The following ZNF43 variants were observed in gnomAD, a reference collection of about 807,000 sequenced individuals.
ZNF43 encodes zinc finger protein 43.
In ZNF43, 44 loss-of-function variants were observed where a neutral mutation model predicts 68.4. The observed-to-expected ratio is 0.64, with a 90% CI of 0.51 to 0.83. ZNF43 has a LOEUF of 0.83. ZNF43 is among the 40% of genes least tolerant of loss of function. The pLI is 0.00. For synonymous variants in ZNF43, 308 were observed against 307.8 expected, an observed-to-expected ratio of 1.00 and a Z score of -0.01; for missense variants, 896 against 933.2, an observed-to-expected ratio of 0.96 and a Z score of 0.52.
Position 21,809,336 on chromosome 19 carries a change from T to G in ZNF43, c.701A>C (p.Glu234Ala), listed in dbSNP as rs535195830. The change falls in exon 4 of 4, where the codon GAA becomes GCA. Residue 234 changes from glutamate (E) to alanine (A), a missense_variant. Coordinates refer to ENST00000354959, the MANE Select transcript of ZNF43 (RefSeq NM_003423.4). Reference sequence around the variant, plus strand: ...GGACCAATTAAAGACTTTGCCACATTCTTCACATGTGTAGGGTTTCTCTCC... The same window carrying G: ...GGACCAATTAAAGACTTTGCCACATGCTTCACATGTGTAGGGTTTCTCTCC... ...NTGEKPYTCE[E>A]CGKVFNWSSR... 9 of 1,613,766 alleles carry G rather than the reference T, an allele frequency of 5.6e-6. No individual in the cohort carries two copies. The highest frequency in any genetic ancestry group is 6.8e-6 in the Non-Finnish European group (8 of 1,179,918).
chr19:21,847,911 A>T (rs1384638232), intron 1 of ZNF43, among the ~76,000 whole-genome samples: 1 of 149,510 alleles, frequency 6.7e-6, no homozygotes, highest in Admixed American at 6.7e-5. Context: ...TGGCTCTGCA[A>T]CCTCCATGTC....
Position 21,809,342 on chromosome 19 carries a change from C to T in ZNF43, c.695G>A (p.Cys232Tyr). ...ATTAAAGACTTTGCCACATTCTTCA[C>T]ATGTGTAGGGTTTCTCTCCAGTATT... ...RINTGEKPYTCEECGKVFNWS... is the reference protein window; with the variant it reads ...RINTGEKPYTYEECGKVFNWS... Residue 232 changes from cysteine (C) to tyrosine (Y), a missense_variant, in exon 4 of 4, where the codon TGT becomes TAT. Transcript: ENST00000354959. The T allele has an allele frequency of 6.2e-7, 1 of 1,613,786 alleles. No individual in the cohort carries two copies. The highest frequency in any genetic ancestry group is 8.5e-7 in the Non-Finnish European group (1 of 1,179,898).
At chr19:21,830,555 GAAA>G (rs562293163) in intron 1 of ZNF43, among the ~76,000 whole-genome samples, 3 of 101,946 alleles carry the variant, frequency 2.9e-5, no homozygotes, top group Non-Finnish European at 6.4e-5. Context: ...TCCAAAGACT[GAAA>G]AAAAAAAAAA....
chr19:21,807,863 T>C lies in ZNF43; in HGVS notation c.2174A>G (p.Lys725Arg), dbSNP rs765494319. The C allele has an allele frequency of 6.2e-7, 1 of 1,613,374 alleles. No individual in the cohort carries two copies. The highest frequency in any genetic ancestry group is 8.5e-7 in the Non-Finnish European group (1 of 1,179,766). Residue 725 changes from lysine to arginine, a missense_variant, in exon 4 of 4, where the codon AAG becomes AGG. By Grantham distance (26) the Lys-to-Arg change is conservative. Coordinates refer to ENST00000354959, the MANE Select transcript of ZNF43 (RefSeq NM_003423.4). ...FNRSSNLIEH[K>R]KIHTGEQPYK... ...GGGTTGCTCTCCAGTATGAATTTTC[T>C]TATGTTCAATAAGGTTTGAGGATCG...
At chr19:21,822,226 T>C (rs2037881752) in intron 1 of ZNF43, among the ~76,000 whole-genome samples, 1 of 152,288 alleles carries the variant, frequency 6.6e-6, no homozygotes, top group Non-Finnish European at 1.5e-5. Context: ...AATGGAAATA[T>C]GGGCCACACT....
intron 3 of ZNF43, among the ~76,000 whole-genome samples, chr19:21,817,171 C>T (rs928884685): frequency 6.6e-6 from 1 of 150,710 alleles, no homozygotes; most frequent in Admixed American, 6.6e-5. Flanking sequence ...TGCAGTGAGC[C>T]GAGATTGTGC....
chr19:21,843,375 A>G, intron 1 of ZNF43: 2 of 985,406 alleles, frequency 2.0e-6, no homozygotes, highest in South Asian at 9.4e-5. Flanking sequence ...ACGTGTCTTC[A>G]TTCTAGGTAT....
rs2037172907 is a variant in ZNF43 at position 21,809,515 on chromosome 19, GA to G, written c.521del (p.Phe174SerfsTer16). ...ATGATTTGCCACATTCTTTGCATTT[GA>G]AAAGTTTTTTTTCAGTATGGCTTAT... ...HKISHTEKKL[F>X]KCKECGKSFC... On this transcript the variant is annotated frameshift_variant, in exon 4 of 4. Transcript: ENST00000354959. LOFTEE classifies it high-confidence loss of function. 1.2e-6 allele frequency: 2 copies of G among 1,613,280 alleles called. No homozygotes were observed. Among genetic ancestry groups the G allele is most frequent in the Admixed American group, 1.7e-5 (1 of 59,836 alleles).
intron 1 of ZNF43, among the ~76,000 whole-genome samples, chr19:21,822,598 G>A (rs1429708278): frequency 6.6e-6 from 1 of 152,124 alleles, no homozygotes; most frequent in Non-Finnish European, 1.5e-5. Context: ...AAGGTCAGGA[G>A]ATCGAGACCA....
chr19:21,812,135 C>A, intron 3 of ZNF43: 1 of 375,820 alleles, frequency 2.7e-6, no homozygotes, highest in South Asian at 1.4e-4. Context: ...CTTTTTTTTT[C>A]TTTTTTTTTG....
intron 3 of ZNF43, among the ~76,000 whole-genome samples, chr19:21,812,209 C>A (rs1599455609): frequency 6.6e-6 from 1 of 152,284 alleles, no homozygotes; most frequent in African/African-American, 2.4e-5. Context: ...TCACTGCACA[C>A]TCCATCTCCC....
chr19:21,845,602 T>C (rs937881641), intron 1 of ZNF43: 5 of 152,182 alleles, frequency 3.3e-5, no homozygotes, highest in African/African-American at 9.7e-5. Flanking sequence ...TGTCACAATA[T>C]GTATGCAGGG....
chr19:21,809,197 G>A lies in ZNF43; in HGVS notation c.840C>T (p.Arg280=), dbSNP rs1347933077. ...TACATTTGTAGAATTTCTCTCCAGT[G>A]CGAATTATCTTATGGGTAGTAAGGA... is the stretch of plus-strand genomic sequence containing the variant. ...SSILTTHKII[R]TGEKFYKCKE... Residue 280 remains arginine, a synonymous_variant, in exon 4 of 4, where the codon CGC becomes CGT. Transcript: ENST00000354959. 6.2e-7 allele frequency: 1 copy of A among 1,611,922 alleles called. No homozygotes were observed. The highest frequency in any genetic ancestry group is 1.7e-5 in the Admixed American group (1 of 59,762).
intron 3 of ZNF43, among the ~76,000 whole-genome samples, chr19:21,817,431 G>C (rs1599469092): frequency 2.6e-5 from 4 of 152,136 alleles, no homozygotes; most frequent in Middle Eastern, 3.4e-3. Context: ...TTATTTAAAG[G>C]CTACAGTAAT....
chr19:21,813,760 G>A (rs958324996), intron 3 of ZNF43, among the ~76,000 whole-genome samples: 4 of 130,380 alleles, frequency 3.1e-5, no homozygotes, highest in African/African-American at 1.5e-4. Flanking sequence ...TATCATGAGT[G>A]AAAAGTACTT....
At chr19:21,814,754 C>T (rs2037438805) in intron 3 of ZNF43, among the ~76,000 whole-genome samples, 1 of 151,808 alleles carries the variant, frequency 6.6e-6, no homozygotes, top group South Asian at 2.1e-4. Context: ...TTAAAGCATA[C>T]AGAATTGAAA....
intron 1 of ZNF43, among the ~76,000 whole-genome samples, chr19:21,844,921 A>AAAAAAAAAAAATATATATATATATAT (rs1310761266): frequency 3.8e-5 from 1 of 26,050 alleles, no homozygotes; most frequent in African/African-American, 2.2e-4. Flanking sequence ...AAAAAAAAAA[A>AAAAAAAAAAAATATATATATATATAT]ATATATATAT....
intron 3 of ZNF43, among the ~76,000 whole-genome samples, chr19:21,814,796 C>G (rs977326736): frequency 4.0e-5 from 6 of 151,722 alleles, no homozygotes; most frequent in African/African-American, 1.5e-4. Context: ...TAGGTAAAAC[C>G]AAAAAACACA....
rs1310761266 is a variant in ZNF43, at chr19:21,844,921, A to AAAAAAAT, written c.30+6983_30+6984insATTTTTT. ...CAAAAAAAAAAAAAAAAAAAAAAAA[A>AAAAAAAT]ATATATATATATATATATATATATA... is the stretch of plus-strand genomic sequence containing the variant. On this transcript the variant is annotated intron_variant, in intron 1 of 3. Coordinates refer to the ZNF43 transcript ENST00000357491. Among the ~76,000 whole-genome samples the AAAAAAAT allele has an allele frequency of 1.7e-3, 44 of 26,036 alleles. 2 individuals are homozygous for AAAAAAAT. Among genetic ancestry groups the AAAAAAAT allele is most frequent in the African/African-American group, 7.4e-3 (34 of 4,588 alleles). 17.1% of individuals were successfully genotyped at this position (26,036 alleles called of 152,430 possible). A position where few individuals can be genotyped will look rare whatever the true frequency, so the allele number is the denominator to read the frequency against.
Sources: gnomAD v4.1 joint callset for allele counts (sites outside exome capture counted in the v4.1 genomes callset) on GRCh38, gnomAD v4.1.1 for gene constraint, MANE v1.5 for transcripts, NCBI Gene and HGNC (gene_info 2026-07-23, HGNC 2026-07-21) for gene names.